ATIC: variants seen among roughly 807,000 people sequenced by gnomAD.
The protein encoded by ATIC is bifunctional purine biosynthesis protein ATIC.
ATIC carries 64 observed loss-of-function variants against 72.5 expected under a neutral mutation model. That is an observed-to-expected ratio of 0.88 (90% CI 0.72 to 1.09). ATIC has a LOEUF of 1.09. Among genes scored for constraint, ATIC ranks in the 50% least tolerant of loss-of-function variants. The pLI is 0.00. For missense variants in ATIC, 787 were observed against 732.4 expected (o/e 1.07, Z -0.86); for synonymous variants, 281 against 267.1 (o/e 1.05, Z -0.51).
At chr2:215,358,938 A>G in the ATIC span, among the ~76,000 whole-genome samples, 30 of 152,368 alleles carry the variant, frequency 2.0e-4, no homozygotes, top group African/African-American at 7.0e-4. Context: ...GCTGGAGTGC[A>G]ATAGCACAAT....
chr2:215,324,268 G>A (rs751494344), intron 4 of ATIC, among the ~76,000 whole-genome samples: 1 of 152,140 alleles, frequency 6.6e-6, no homozygotes, highest in African/African-American at 2.4e-5. Flanking sequence ...TTAGCTGTGG[G>A]TTTTTCTTAC....
At chr2:215,340,117 A>G (rs191324086) in intron 12 of ATIC, among the ~76,000 whole-genome samples, 1 of 152,234 alleles carries the variant, frequency 6.6e-6, no homozygotes, top group Admixed American at 6.5e-5. Context: ...TTTCAGTGCT[A>G]TGATCAATGT....
intron 8 of ATIC, among the ~76,000 whole-genome samples, chr2:215,332,871 G>A (rs1281250011): frequency 2.0e-5 from 3 of 152,118 alleles, no homozygotes; most frequent in African/African-American, 2.4e-5. Flanking sequence ...TCTTATAGTC[G>A]TTGTATGAGA....
intron 7 of ATIC, among the ~76,000 whole-genome samples, chr2:215,329,208 T>C (rs1369651586): frequency 6.6e-6 from 1 of 152,230 alleles, no homozygotes. Context: ...CTGACCTATT[T>C]CCTGCTTATA....
rs1385953619 is a variant in ATIC at position 215,344,769 on chromosome 2, T to A, written c.1228-10T>A. 1.1e-5 allele frequency: 17 copies of A among 1,611,958 alleles called. No homozygotes were observed. Among genetic ancestry groups the A allele is most frequent in the Non-Finnish European group, 1.4e-5 (16 of 1,178,338 alleles). On this transcript the variant is annotated splice_polypyrimidine_tract_variant and intron_variant, in intron 12 of 15. Coordinates refer to ENST00000236959, the MANE Select transcript of ATIC (RefSeq NM_004044.7). ...GCCCCATGCAATTTACCATTGTGTA[T>A]GTGTTTCAGTTGCCAGAGTCTGCCC...
the ATIC span, among the ~76,000 whole-genome samples, chr2:215,365,286 T>C: frequency 6.6e-6 from 1 of 152,148 alleles, no homozygotes; most frequent in African/African-American, 2.4e-5. Flanking sequence ...GTCAAAATAC[T>C]CAGGTTGGAC....
rs141553318 is a variant in ATIC at position 215,325,226 on chromosome 2, G to A, written c.291-15G>A. ...GGACTTTTTAATGACAGCCAGATTCGTCTTTGTTTTATAGAGTTGTTGCCT... is the reference window on the plus strand; with the variant it reads ...GGACTTTTTAATGACAGCCAGATTCATCTTTGTTTTATAGAGTTGTTGCCT... On this transcript the variant is annotated splice_polypyrimidine_tract_variant and intron_variant, in intron 4 of 15. Coordinates refer to ENST00000236959, the MANE Select transcript of ATIC (RefSeq NM_004044.7). The A allele has an allele frequency of 3.4e-5, 55 of 1,605,046 alleles. No individual in the cohort carries two copies. Among genetic ancestry groups the A allele is most frequent in the South Asian group, 2.2e-4 (20 of 90,846 alleles).
At chr2:215,322,465 G>A (rs1339385217) in intron 4 of ATIC, among the ~76,000 whole-genome samples, 1 of 151,298 alleles carries the variant, frequency 6.6e-6, no homozygotes, top group Non-Finnish European at 1.5e-5. Context: ...AAGTAGCTGT[G>A]ATTACAGGTG....
At chr2:215,364,699 A>C in the ATIC span, 3 of 633,558 alleles carry the variant, frequency 4.7e-6, no homozygotes, top group Non-Finnish European at 8.5e-6. Context: ...AATGAATGGC[A>C]TGTAAGGTAG....
intron 5 of ATIC, 29 bp downstream of exon 5, chr2:215,325,358 T>A (rs1001005285): frequency 1.0e-5 from 15 of 1,502,902 alleles, no homozygotes; most frequent in Non-Finnish European, 1.4e-5. Flanking sequence ...TTTAGAAGAC[T>A]GAGAGGAGAG....
intron 7 of ATIC, among the ~76,000 whole-genome samples, chr2:215,329,470 CA>C (rs2052866195): frequency 6.6e-6 from 1 of 152,024 alleles, no homozygotes; most frequent in African/African-American, 2.4e-5. Context: ...CTTATTTCCA[CA>C]ATAGAAAAGG....
chr2:215,343,766 G>C (rs934214704), intron 12 of ATIC, among the ~76,000 whole-genome samples: 4 of 152,156 alleles, frequency 2.6e-5, no homozygotes, highest in African/African-American at 9.7e-5. Context: ...CTTTTACAGA[G>C]GAAAAGTTCT....
intron 3 of ATIC, 142 bp downstream of exon 3, chr2:215,318,375 T>G: frequency 1.2e-6 from 1 of 801,474 alleles, no homozygotes; most frequent in Non-Finnish European, 2.1e-6. Flanking sequence ...CTGCCAGATT[T>G]CATAATACGT....
intron 13 of ATIC, chr2:215,345,255 G>C (rs1044530720): frequency 3.2e-6 from 1 of 309,606 alleles, no homozygotes; most frequent in African/African-American, 2.2e-5. Context: ...CAGCCTGCAG[G>C]GTATTTTCAC....
intron 9 of ATIC, 131 bp from the exon 10 acceptor site, chr2:215,334,788 C>A: frequency 1.4e-6 from 1 of 714,294 alleles, no homozygotes; most frequent in Non-Finnish European, 2.4e-6. Flanking sequence ...ACTTATTGAT[C>A]TGTTAAAATC....
chr2:215,348,435 G>A (rs573296606), intron 14 of ATIC, among the ~76,000 whole-genome samples: 45 of 152,158 alleles, frequency 3.0e-4, no homozygotes, highest in Admixed American at 2.7e-3. Flanking sequence ...TAGTAGATAC[G>A]AAGTAGATTT....
the ATIC span, among the ~76,000 whole-genome samples, chr2:215,358,264 C>A: frequency 6.6e-6 from 1 of 152,100 alleles, no homozygotes; most frequent in Non-Finnish European, 1.5e-5. Context: ...AACTTTAAAA[C>A]GATGATATTT....
chr2:215,355,053 A>G, the ATIC span, among the ~76,000 whole-genome samples: 1 of 151,912 alleles, frequency 6.6e-6, no homozygotes, highest in East Asian at 1.9e-4. Flanking sequence ...TTACTGTCTC[A>G]CTTCCCTGTG....
downstream of ATIC, among the ~76,000 whole-genome samples, chr2:215,354,187 C>A (rs1009014420): frequency 6.6e-5 from 10 of 151,996 alleles, no homozygotes; most frequent in African/African-American, 2.4e-4. Context: ...CACCACCACA[C>A]CCGGCCAATT....
Sources: gnomAD v4.1 joint callset for allele counts (sites outside exome capture counted in the v4.1 genomes callset) on GRCh38, gnomAD v4.1.1 for gene constraint, MANE v1.5 for transcripts, NCBI Gene and HGNC (gene_info 2026-07-23, HGNC 2026-07-21) for gene names.